Variants in STXBP5L observed in about 807,000 individuals in gnomAD.
STXBP5L encodes the protein syntaxin binding protein 5L.
In STXBP5L, 65 loss-of-function variants were observed where a neutral mutation model predicts 144.5. The observed-to-expected ratio is 0.45, with a 90% CI of 0.37 to 0.55. The LOEUF is 0.55. STXBP5L is among the 20% of genes least tolerant of loss of function. The pLI is 0.00. For synonymous variants in STXBP5L, 505 were observed against 469.6 expected (o/e 1.08, Z -0.97); for missense variants, 1,298 against 1,405.5 (o/e 0.92, Z 1.22).
At chr3:121,313,258 G>A (rs1467373156) in intron 19 of STXBP5L, among the ~76,000 whole-genome samples, 3 of 144,886 alleles carry the variant, frequency 2.1e-5, no homozygotes, top group Non-Finnish European at 3.1e-5. Flanking sequence ...GGCTGGCCGG[G>A]CAGAGGGGCT....
chr3:121,049,174 C>G (rs982856644), intron 5 of STXBP5L, among the ~76,000 whole-genome samples: 3 of 152,156 alleles, frequency 2.0e-5, no homozygotes, highest in African/African-American at 7.2e-5. Context: ...TGCTGCTTTT[C>G]TGTAAGGTGG....
At chr3:121,302,804 G>A (rs1417306637) in intron 19 of STXBP5L, among the ~76,000 whole-genome samples, 2 of 152,144 alleles carry the variant, frequency 1.3e-5, no homozygotes, top group Non-Finnish European at 2.9e-5. Flanking sequence ...TTAATAAAGG[G>A]TGCTGGGAAA....
chr3:120,923,512 C>CA (rs1709457418), intron 2 of STXBP5L, among the ~76,000 whole-genome samples: 1 of 151,942 alleles, frequency 6.6e-6, no homozygotes, highest in South Asian at 2.1e-4. Flanking sequence ...TGCTGTATCT[C>CA]ATAGATTTCA....
intron 2 of STXBP5L, among the ~76,000 whole-genome samples, chr3:120,926,819 G>A (rs1429546900): frequency 6.6e-6 from 1 of 151,722 alleles, no homozygotes; most frequent in East Asian, 1.9e-4. Flanking sequence ...AGCTGTTGAG[G>A]GCCTCTAGTG....
intron 2 of STXBP5L, among the ~76,000 whole-genome samples, chr3:120,930,021 C>T (rs112955472): frequency 2.9e-4 from 44 of 151,502 alleles, no homozygotes; most frequent in African/African-American, 9.9e-4. Flanking sequence ...AAAATTTTTC[C>T]CAGTTCATTA....
At position 121,202,560 on chromosome 3, in the gene STXBP5L, T is replaced by C. The variant is rs868774227; in HGVS notation, c.878-3363T>C. Among the ~76,000 whole-genome samples the C allele has an allele frequency of 2.0e-5, 3 of 152,160 alleles. No homozygotes were observed. The South Asian group carries it at 6.2e-4, about 31-fold the overall frequency. On this transcript the variant is annotated intron_variant, in intron 9 of 26. Coordinates refer to ENST00000471454, the MANE Select transcript of STXBP5L (RefSeq NM_001308330.2). Reference sequence around the variant, plus strand: ...CTTTCTTTCAGCCTGAAGGACTTTTTTTAGTATTTTTTGTAAGATAGCTCT... The same window carrying C: ...CTTTCTTTCAGCCTGAAGGACTTTTCTTAGTATTTTTTGTAAGATAGCTCT...
At chr3:121,011,925 C>A (rs1944803441) in intron 3 of STXBP5L, among the ~76,000 whole-genome samples, 2 of 151,698 alleles carry the variant, frequency 1.3e-5, no homozygotes, top group Admixed American at 1.3e-4. Context: ...TTCCATCACT[C>A]CAGAAAGAAA....
chr3:121,337,312 T>A (rs776654404), intron 20 of STXBP5L, among the ~76,000 whole-genome samples: 2 of 152,050 alleles, frequency 1.3e-5, no homozygotes, highest in African/African-American at 2.4e-5. Flanking sequence ...GAGACTCATC[T>A]AATGCAAGGA....
At chr3:121,388,402 C>A (rs756533001) in intron 22 of STXBP5L, among the ~76,000 whole-genome samples, 1 of 152,088 alleles carries the variant, frequency 6.6e-6, no homozygotes, top group Admixed American at 6.5e-5. Context: ...TTTCTCTTGC[C>A]GGATTGCCCT....
chr3:121,233,840 C>T (rs933612743), intron 12 of STXBP5L, 152 bp downstream of exon 12: 28 of 589,170 alleles, frequency 4.8e-5, no homozygotes, highest in Non-Finnish European at 7.6e-5. Flanking sequence ...AAAATTAAAC[C>T]AGAGGAATTT....
chr3:121,015,379 C>A (rs373437632), intron 3 of STXBP5L, among the ~76,000 whole-genome samples: 2 of 152,064 alleles, frequency 1.3e-5, no homozygotes, highest in African/African-American at 4.8e-5. Flanking sequence ...TTTTCTTGGA[C>A]CTATTAGAGA....
intron 2 of STXBP5L, among the ~76,000 whole-genome samples, chr3:120,939,483 T>A (rs1488408810): frequency 6.6e-6 from 1 of 152,134 alleles, no homozygotes; most frequent in Non-Finnish European, 1.5e-5. Context: ...TACTGGAAAT[T>A]GAAGAAGTCA....
chr3:121,111,377 C>T (rs112888303), intron 5 of STXBP5L, among the ~76,000 whole-genome samples: 345 of 152,308 alleles, frequency 2.3e-3, no homozygotes, highest in African/African-American at 8.2e-3. Context: ...ATGAGTTTAT[C>T]TAGCTTTGGT....
intron 9 of STXBP5L, among the ~76,000 whole-genome samples, chr3:121,160,647 G>A (rs2046291628): frequency 6.6e-6 from 1 of 152,102 alleles, no homozygotes; most frequent in African/African-American, 2.4e-5. Context: ...CCATAGTTGA[G>A]TCTTGTGCTT....
chr3:121,198,208 CATT>C (rs1378476666), intron 9 of STXBP5L, among the ~76,000 whole-genome samples: 3 of 152,202 alleles, frequency 2.0e-5, no homozygotes. Flanking sequence ...GATGGTATCT[CATT>C]GTGGTTTTGA....
chr3:121,018,745 CAGAT>C (rs1239403587), intron 3 of STXBP5L, among the ~76,000 whole-genome samples: 1 of 152,094 alleles, frequency 6.6e-6, no homozygotes, highest in African/African-American at 2.4e-5. Flanking sequence ...CACAAAATGG[CAGAT>C]AGGAGGCGGA....
At chr3:121,236,547 T>TA (rs1203257505) in intron 12 of STXBP5L, among the ~76,000 whole-genome samples, 1 of 152,106 alleles carries the variant, frequency 6.6e-6, no homozygotes, top group African/African-American at 2.4e-5. Flanking sequence ...CAGGCTTTTT[T>TA]AAACAACCAG....
intron 5 of STXBP5L, among the ~76,000 whole-genome samples, chr3:121,092,530 G>A (rs1283067698): frequency 6.6e-6 from 1 of 152,130 alleles, no homozygotes; most frequent in African/African-American, 2.4e-5. Flanking sequence ...TCTCTTTGAA[G>A]CAATTGGGAA....
chr3:121,234,273 C>A (rs2049399239), intron 12 of STXBP5L, among the ~76,000 whole-genome samples: 3 of 152,052 alleles, frequency 2.0e-5, no homozygotes, highest in Admixed American at 1.3e-4. Flanking sequence ...ATGTTCTTCG[C>A]CCACTGATCT....
Sources: allele counts gnomAD v4.1 joint callset (sites outside exome capture counted in the v4.1 genomes callset), GRCh38; gene constraint gnomAD v4.1.1; transcripts MANE v1.5; gene names NCBI Gene and HGNC (gene_info 2026-07-23, HGNC 2026-07-21).